The following KALRN variants were observed in gnomAD, a reference collection of about 807,000 sequenced individuals.
KALRN encodes kalirin RhoGEF kinase, also known as kalirin.
Under a neutral mutation model 353.7 loss-of-function variants are expected in KALRN, and 70 were observed. The observed-to-expected ratio is 0.20, with a 90% confidence interval of 0.16 to 0.24. KALRN has a LOEUF of 0.24. KALRN is among the 10% of genes least tolerant of loss of function. KALRN has a pLI of 1.00. For missense variants in KALRN, 2,791 were observed against 3,756.7 expected (o/e 0.74, Z 6.72); for synonymous variants, 1,391 against 1,434.8 (o/e 0.97, Z 0.69).
chr3:124,653,087 C>T lies in KALRN; in HGVS notation c.5795+2149C>T, dbSNP rs73193749. Among the ~76,000 whole-genome samples, 1,429 of 152,328 alleles carry T rather than the reference C, an allele frequency of 9.4e-3. 12 individuals are homozygous for T. The highest frequency in any genetic ancestry group is 0.019 in the South Asian group (94 of 4,824). The stretch of plus-strand genomic sequence containing the variant: ...CTGTTAGAGTATCTCATACCTCTTA[C>T]TATATCTCATCCTTATTCTCTCCTG... On this transcript the variant is annotated intron_variant, in intron 38 of 59. Transcript: ENST00000682506.
chr3:124,387,421 A>T (rs1428618482), intron 11 of KALRN, among the ~76,000 whole-genome samples: 1 of 152,230 alleles, frequency 6.6e-6, no homozygotes, highest in Non-Finnish European at 1.5e-5. Flanking sequence ...AGCCATGATA[A>T]TTCTCGTTTT....
chr3:124,345,186 A>C (rs764086126), intron 9 of KALRN, among the ~76,000 whole-genome samples: 1 of 152,234 alleles, frequency 6.6e-6, no homozygotes, highest in Non-Finnish European at 1.5e-5. Flanking sequence ...TAGTTCTTTT[A>C]TATGCAAAAA....
At chr3:124,064,651 C>T (rs7631947) in intron 1 of KALRN, among the ~76,000 whole-genome samples, 2 of 152,114 alleles carry the variant, frequency 1.3e-5, no homozygotes, top group East Asian at 3.9e-4. Flanking sequence ...AAGGCACCAT[C>T]TGGTCATTGT....
At chr3:124,660,576 G>C (rs562600761) in intron 43 of KALRN, among the ~76,000 whole-genome samples, 1 of 151,638 alleles carries the variant, frequency 6.6e-6, no homozygotes, top group Admixed American at 6.6e-5. Flanking sequence ...AACTACTCAG[G>C]AGGCTGAGGC....
chr3:124,124,274 C>A (rs2064372504), intron 1 of KALRN, among the ~76,000 whole-genome samples: 1 of 152,226 alleles, frequency 6.6e-6, no homozygotes, highest in East Asian at 1.9e-4. Context: ...GCTTCAGTGG[C>A]AGAAGTAACC....
At chr3:124,177,280 A>T (rs755560291) in intron 1 of KALRN, among the ~76,000 whole-genome samples, 2 of 152,194 alleles carry the variant, frequency 1.3e-5, no homozygotes, top group Non-Finnish European at 2.9e-5. Context: ...GGGCAAGACT[A>T]TTGCTTGGCA....
At chr3:124,388,474 G>A (rs1209033781) in intron 11 of KALRN, among the ~76,000 whole-genome samples, 1 of 152,080 alleles carries the variant, frequency 6.6e-6, no homozygotes, top group African/African-American at 2.4e-5. Flanking sequence ...TACACACGTG[G>A]CATTAGATGT....
intron 34 of KALRN, among the ~76,000 whole-genome samples, chr3:124,593,458 G>A (rs2075998469): frequency 6.6e-6 from 1 of 152,172 alleles, no homozygotes. Context: ...CCCTCCAGGT[G>A]GTTGTGGTGC....
intron 39 of KALRN, among the ~76,000 whole-genome samples, chr3:124,656,749 T>C (rs1179445378): frequency 6.6e-6 from 1 of 152,272 alleles, no homozygotes; most frequent in Non-Finnish European, 1.5e-5. Flanking sequence ...TGTATTTGCT[T>C]ATTCTGAATC....
At chr3:124,661,117 A>T in intron 44 of KALRN, 144 bp downstream of exon 44, 1 of 671,752 alleles carries the variant, frequency 1.5e-6, no homozygotes, top group Non-Finnish European at 2.7e-6. Flanking sequence ...ACAGCTTTGT[A>T]CCTGCTTGAG....
chr3:124,290,938 G>A (rs952114329), intron 5 of KALRN, among the ~76,000 whole-genome samples: 25 of 152,222 alleles, frequency 1.6e-4, no homozygotes, highest in African/African-American at 6.0e-4. Flanking sequence ...GGTTTATACT[G>A]TTGTAGGTAT....
chr3:124,099,237 A>G (rs2061669303), intron 1 of KALRN: 1 of 152,178 alleles, frequency 6.6e-6, no homozygotes, highest in Admixed American at 6.5e-5. Flanking sequence ...GTACCCATTC[A>G]CCAACCTATC....
At chr3:124,332,693 G>A (rs533149530) in intron 8 of KALRN, among the ~76,000 whole-genome samples, 2 of 152,254 alleles carry the variant, frequency 1.3e-5, no homozygotes, top group East Asian at 1.9e-4. Flanking sequence ...GACTGTGGGC[G>A]AGTGTTGGGG....
intron 10 of KALRN, among the ~76,000 whole-genome samples, chr3:124,369,110 C>A (rs2085465880): frequency 6.6e-6 from 1 of 152,162 alleles, no homozygotes; most frequent in African/African-American, 2.4e-5. Context: ...TTGCCTTACA[C>A]CAATCTATTT....
intron 1 of KALRN, among the ~76,000 whole-genome samples, chr3:124,092,558 G>A (rs1346317689): frequency 6.6e-6 from 1 of 152,188 alleles, no homozygotes; most frequent in African/African-American, 2.4e-5. Context: ...GCCCTGGAGG[G>A]GCCTCCCTCA....
At chr3:124,581,776 T>C (rs2074655995) in intron 34 of KALRN, among the ~76,000 whole-genome samples, 1 of 152,078 alleles carries the variant, frequency 6.6e-6, no homozygotes, top group African/African-American at 2.4e-5. Flanking sequence ...CACAAGCAAA[T>C]AAAGTTAATT....
chr3:124,478,309 G>C (rs1339165172), intron 27 of KALRN, among the ~76,000 whole-genome samples: 1 of 152,128 alleles, frequency 6.6e-6, no homozygotes, highest in Admixed American at 6.6e-5. Context: ...TAAATATTTG[G>C]ATGTCTACTT....
intron 1 of KALRN, among the ~76,000 whole-genome samples, chr3:124,048,403 T>C (rs952302671): frequency 5.3e-5 from 8 of 152,230 alleles, no homozygotes; most frequent in African/African-American, 1.9e-4. Context: ...AAGAGGATCA[T>C]GTTATACCTG....
chr3:124,486,142 G>T (rs1371707517), intron 28 of KALRN, among the ~76,000 whole-genome samples: 1 of 152,118 alleles, frequency 6.6e-6, no homozygotes, highest in Non-Finnish European at 1.5e-5. Context: ...TTTACAAAAG[G>T]ATCCTAAATT....
Sources: allele counts gnomAD v4.1 joint callset (sites outside exome capture counted in the v4.1 genomes callset), GRCh38; gene constraint gnomAD v4.1.1; transcripts MANE v1.5; gene names NCBI Gene and HGNC (gene_info 2026-07-23, HGNC 2026-07-21).